HS6ST3: variants seen among roughly 807,000 people sequenced by gnomAD.
HS6ST3 encodes heparan-sulfate 6-O-sulfotransferase 3.
HS6ST3 carries 12 observed loss-of-function variants against 36.7 expected under a neutral mutation model. That is an observed-to-expected ratio of 0.33 (90% CI 0.21 to 0.53). The LOEUF is 0.53. Ranked by LOEUF, HS6ST3 falls within the 20% of genes least tolerant of loss-of-function variation. The pLI is 0.95. For synonymous variants in HS6ST3, 240 were observed against 257.5 expected (o/e 0.93, Z 0.65); for missense variants, 584 against 640.9 (o/e 0.91, Z 0.96).
At chr13:96,309,090 T>C (rs1384748815) in intron 1 of HS6ST3, among the ~76,000 whole-genome samples, 3 of 152,136 alleles carry the variant, frequency 2.0e-5, no homozygotes, top group Admixed American at 6.5e-5. Context: ...TTTGCAAATA[T>C]TTATTTTCCT....
At chr13:96,104,043 A>G (rs1473683129) in intron 1 of HS6ST3, among the ~76,000 whole-genome samples, 1 of 151,368 alleles carries the variant, frequency 6.6e-6, no homozygotes, top group African/African-American at 2.4e-5. Flanking sequence ...ATGACTGTAT[A>G]TGATAGAGAT....
intron 1 of HS6ST3, among the ~76,000 whole-genome samples, chr13:96,731,760 A>G (rs752133739): frequency 4.6e-5 from 7 of 151,656 alleles, no homozygotes; most frequent in South Asian, 4.2e-4. Flanking sequence ...GGCTCAGGCA[A>G]TCCTCTTGCC....
rs746604711 is a variant in HS6ST3 at position 96,127,166 on chromosome 13, TG to T, written c.707+35602del. ...GTGATAGTATTAGGAGATGAGGTCATGGGGGTGGAGCCTCATATGCTAATGT... is the reference window on the plus strand; with the variant it reads ...GTGATAGTATTAGGAGATGAGGTCATGGGGTGGAGCCTCATATGCTAATGT... On this transcript the variant is annotated intron_variant, in intron 1 of 1. Transcript: ENST00000376705. Among the ~76,000 whole-genome samples, 8 of 152,152 alleles carry T rather than the reference TG, an allele frequency of 5.3e-5. No individual in the cohort carries two copies. The East Asian group carries it at 1.3e-3, about 26-fold the overall frequency.
chr13:96,507,579 CTACT>C (rs2138917403), intron 1 of HS6ST3, among the ~76,000 whole-genome samples: 1 of 152,138 alleles, frequency 6.6e-6, no homozygotes, highest in South Asian at 2.1e-4. Context: ...CTCTATATCT[CTACT>C]TACTTTTATA....
At chr13:96,275,855 C>CTTTTTTTT (rs766378075) in intron 1 of HS6ST3, among the ~76,000 whole-genome samples, 1 of 142,688 alleles carries the variant, frequency 7.0e-6, no homozygotes, top group Non-Finnish European at 1.5e-5. Flanking sequence ...CTCTGTCTCT[C>CTTTTTTTT]TTTTTTTTTT....
chr13:96,479,103 G>C (rs1294034011), intron 1 of HS6ST3, among the ~76,000 whole-genome samples: 1 of 152,176 alleles, frequency 6.6e-6, no homozygotes, highest in African/African-American at 2.4e-5. Context: ...AGTGTCAAGG[G>C]GACAGGTGAT....
intron 1 of HS6ST3, among the ~76,000 whole-genome samples, chr13:96,286,631 A>T (rs2054804226): frequency 6.6e-6 from 1 of 152,146 alleles, no homozygotes; most frequent in Non-Finnish European, 1.5e-5. Flanking sequence ...AATTTCAAAA[A>T]TTTAGCTTAG....
chr13:96,141,824 C>G (rs1229240411), intron 1 of HS6ST3, among the ~76,000 whole-genome samples: 1 of 152,050 alleles, frequency 6.6e-6, no homozygotes, highest in Admixed American at 6.5e-5. Context: ...ATTGTCAACA[C>G]TATGGAAGAA....
chr13:96,500,928 T>G (rs1456603956), intron 1 of HS6ST3, among the ~76,000 whole-genome samples: 2 of 152,162 alleles, frequency 1.3e-5, no homozygotes, highest in African/African-American at 4.8e-5. Context: ...ATTGTAGACA[T>G]CCTAAGCTGT....
rs1036264640 is a variant in HS6ST3, at chr13:96,733,341, A to C, written c.708-99149A>C. ...ATTTGTTGAGAGTTTATACCATAAAAGAATGTTGAAGTTTGCCAAATGCTT... is the reference window on the plus strand; with the variant it reads ...ATTTGTTGAGAGTTTATACCATAAACGAATGTTGAAGTTTGCCAAATGCTT... On this transcript the variant is annotated intron_variant, in intron 1 of 1. Coordinates refer to ENST00000376705, the MANE Select transcript of HS6ST3 (RefSeq NM_153456.4). Among the ~76,000 whole-genome samples, 3 of 152,352 alleles carry C rather than the reference A, an allele frequency of 2.0e-5. No individual in the cohort carries two copies. The East Asian group carries it at 5.8e-4, about 29-fold the overall frequency.
At chr13:96,754,720 C>T (rs1326931014) in intron 1 of HS6ST3, among the ~76,000 whole-genome samples, 1 of 152,144 alleles carries the variant, frequency 6.6e-6, no homozygotes, top group East Asian at 1.9e-4. Context: ...GACTCTCAGT[C>T]TAATTGTTTT....
At chr13:96,446,304 A>C (rs1260935154) in intron 1 of HS6ST3, among the ~76,000 whole-genome samples, 2 of 151,656 alleles carry the variant, frequency 1.3e-5, no homozygotes, top group East Asian at 3.9e-4. Context: ...TTTTTTTCAG[A>C]CATATTTGTT....
At chr13:96,490,092 G>A (rs2055937208) in intron 1 of HS6ST3, among the ~76,000 whole-genome samples, 1 of 152,130 alleles carries the variant, frequency 6.6e-6, no homozygotes, top group Non-Finnish European at 1.5e-5. Context: ...TTAAATTCCT[G>A]AGAGTTAGTT....
chr13:96,342,416 G>T (rs893333420), intron 1 of HS6ST3, among the ~76,000 whole-genome samples: 8 of 152,118 alleles, frequency 5.3e-5, no homozygotes, highest in African/African-American at 1.9e-4. Flanking sequence ...TATGTGTTGG[G>T]AGTTGAGCTG....
intron 1 of HS6ST3, among the ~76,000 whole-genome samples, chr13:96,568,751 T>C (rs1223552859): frequency 1.3e-5 from 2 of 152,202 alleles, no homozygotes; most frequent in African/African-American, 4.8e-5. Flanking sequence ...GCTATGATCA[T>C]GTTTTGGTGG....
intron 1 of HS6ST3, among the ~76,000 whole-genome samples, chr13:96,513,024 C>T (rs2056056973): frequency 6.6e-6 from 1 of 151,926 alleles, no homozygotes; most frequent in Non-Finnish European, 1.5e-5. Context: ...CTTTCTGTTA[C>T]ACCAATTGGA....
At chr13:96,138,306 G>A (rs1053882749) in intron 1 of HS6ST3, among the ~76,000 whole-genome samples, 4 of 151,614 alleles carry the variant, frequency 2.6e-5, no homozygotes, top group African/African-American at 9.7e-5. Context: ...AACCTACTGT[G>A]CAATAATAAG....
At chr13:96,623,296 C>T (rs1326897623) in intron 1 of HS6ST3, among the ~76,000 whole-genome samples, 1 of 152,134 alleles carries the variant, frequency 6.6e-6, no homozygotes, top group Non-Finnish European at 1.5e-5. Flanking sequence ...TTGATTTACC[C>T]AGACTCTAGT....
At chr13:96,677,842 A>G (rs908961731) in intron 1 of HS6ST3, among the ~76,000 whole-genome samples, 7 of 152,178 alleles carry the variant, frequency 4.6e-5, no homozygotes, top group Non-Finnish European at 1.0e-4. Flanking sequence ...GTACTTGGCT[A>G]AAATGTTTAC....
Sources: allele counts gnomAD v4.1 joint callset (sites outside exome capture counted in the v4.1 genomes callset), GRCh38; gene constraint gnomAD v4.1.1; transcripts MANE v1.5; gene names NCBI Gene and HGNC (gene_info 2026-07-23, HGNC 2026-07-21).